Variants in CLIC4 observed in about 807,000 individuals in gnomAD.
The protein encoded by CLIC4 is CLIC family member 4, also known as chloride intracellular channel protein 4.
CLIC4 carries 13 observed loss-of-function variants against 24.6 expected under a neutral mutation model. The observed-to-expected ratio is 0.53, with a 90% CI of 0.34 to 0.84. The LOEUF (loss-of-function observed/expected upper bound fraction) is 0.84. Among genes scored for constraint, CLIC4 ranks in the 40% least tolerant of loss-of-function variants. The pLI, the probability that CLIC4 is intolerant of heterozygous loss-of-function variation, is 0.01. For missense variants in CLIC4, 227 were observed against 301.7 expected, an observed-to-expected ratio of 0.75 and a Z score of 1.83; for synonymous variants, 104 against 111.3, an observed-to-expected ratio of 0.93 and a Z score of 0.41.
Position 24,842,387 on chromosome 1 carries a change from C to T in CLIC4, c.*1450C>T, listed in dbSNP as rs1336305173. On this transcript the variant is annotated 3_prime_UTR_variant, in exon 6 of 6. Coordinates refer to ENST00000374379, the MANE Select transcript of CLIC4 (RefSeq NM_013943.3). Reference sequence around the variant, plus strand: ...AAAGACTGTGATTGTGACTATAATACATTTTTGGTAATTTTTTTATACCTA... The same window carrying T: ...AAAGACTGTGATTGTGACTATAATATATTTTTGGTAATTTTTTTATACCTA... 1 of 152,120 alleles carries T rather than the reference C, an allele frequency of 6.6e-6. No individual in the cohort carries two copies. Among genetic ancestry groups the T allele is most frequent in the East Asian group, 1.9e-4 (1 of 5,196 alleles). The allele number at this position is 152,120 out of a possible 1,614,324, so 9.4% of individuals were successfully genotyped here.
intron 1 of CLIC4, among the ~76,000 whole-genome samples, chr1:24,759,466 C>T (rs538251923): frequency 6.6e-6 from 1 of 150,756 alleles, no homozygotes; most frequent in Admixed American, 6.6e-5. Context: ...CTATACAATA[C>T]GTGACTTTTT....
intron 1 of CLIC4, among the ~76,000 whole-genome samples, chr1:24,794,103 G>A (rs375537016): frequency 6.6e-6 from 1 of 152,134 alleles, no homozygotes; most frequent in South Asian, 2.1e-4. Context: ...TTTAAACTTG[G>A]GGCTGATTCC....
chr1:24,806,583 A>G (rs1338292217), intron 2 of CLIC4, among the ~76,000 whole-genome samples: 1 of 152,218 alleles, frequency 6.6e-6, no homozygotes, highest in Non-Finnish European at 1.5e-5. Context: ...TTAATGGAAA[A>G]TTGGTAATCA....
intron 3 of CLIC4, among the ~76,000 whole-genome samples, chr1:24,822,247 G>GT (rs1200546804): frequency 3.3e-5 from 5 of 149,624 alleles, no homozygotes; most frequent in Non-Finnish European, 7.4e-5. Flanking sequence ...GCTAGCTCAA[G>GT]TTTAGAGGAA....
chr1:24,798,132 AC>A (rs2124132302), intron 2 of CLIC4, among the ~76,000 whole-genome samples: 1 of 152,272 alleles, frequency 6.6e-6, no homozygotes, highest in African/African-American at 2.4e-5. Flanking sequence ...GAAATCCTTG[AC>A]TTCTTTTTTC....
intron 3 of CLIC4, among the ~76,000 whole-genome samples, chr1:24,820,065 A>C (rs1214116364): frequency 4.3e-5 from 1 of 23,388 alleles, no homozygotes; most frequent in South Asian, 1.9e-3. Context: ...AAAAAAAAGT[A>C]TGTATATATA....
At chr1:24,805,667 C>G (rs554552073) in intron 2 of CLIC4, among the ~76,000 whole-genome samples, 45 of 152,216 alleles carry the variant, frequency 3.0e-4, no homozygotes, top group Admixed American at 1.6e-3. Flanking sequence ...TTGGGCAAGT[C>G]AACTTGTTAC....
intron 2 of CLIC4, among the ~76,000 whole-genome samples, chr1:24,798,427 T>C (rs1356619856): frequency 6.6e-6 from 1 of 151,796 alleles, no homozygotes; most frequent in African/African-American, 2.4e-5. Context: ...AAGTGAAGAG[T>C]TGTTTGTAGG....
chr1:24,803,546 C>CA (rs1161935785), intron 2 of CLIC4, among the ~76,000 whole-genome samples: 1 of 152,194 alleles, frequency 6.6e-6, no homozygotes, highest in Non-Finnish European at 1.5e-5. Flanking sequence ...CCTGCCAGAG[C>CA]AGCCTTCGTG....
chr1:24,781,852 A>G (rs1218063081), intron 1 of CLIC4, among the ~76,000 whole-genome samples: 1 of 151,752 alleles, frequency 6.6e-6, no homozygotes, highest in Non-Finnish European at 1.5e-5. Context: ...GGGTTTCACT[A>G]TGTTGACCAG....
intron 1 of CLIC4, among the ~76,000 whole-genome samples, chr1:24,780,942 C>T (rs182669784): frequency 2.2e-4 from 34 of 151,938 alleles, no homozygotes; most frequent in African/African-American, 7.0e-4. Flanking sequence ...ACAAAACTAG[C>T]TGGGCACGGT....
At chr1:24,790,586 G>A (rs886990860) in intron 1 of CLIC4, among the ~76,000 whole-genome samples, 3 of 152,164 alleles carry the variant, frequency 2.0e-5, no homozygotes, top group African/African-American at 4.8e-5. Context: ...CTGCTGGGGT[G>A]GGGGAATGGG....
At chr1:24,756,642 A>G (rs538182553) in intron 1 of CLIC4, among the ~76,000 whole-genome samples, 122 of 152,238 alleles carry the variant, frequency 8.0e-4, no homozygotes, top group Non-Finnish European at 1.4e-3. Context: ...TTATTTGTGT[A>G]TGTGGGAGAA....
chr1:24,762,389 A>C lies in CLIC4; in HGVS notation c.72+16764A>C, dbSNP rs562487355. On this transcript the variant is annotated intron_variant, in intron 1 of 5. Coordinates refer to ENST00000374379, the MANE Select transcript of CLIC4 (RefSeq NM_013943.3). ...CGGTGAGATATGATCATGCCACTGC[A>C]CTGCCTGATGACGGAGTGAGACTCT... Among the ~76,000 whole-genome samples, 5 of 152,358 alleles carry C rather than the reference A, an allele frequency of 3.3e-5. No individual in the cohort carries two copies. The South Asian group carries it at 1.0e-3, about 32-fold the overall frequency.
At chr1:24,796,201 A>AT (rs1557804745) in intron 1 of CLIC4, among the ~76,000 whole-genome samples, 1 of 152,078 alleles carries the variant, frequency 6.6e-6, no homozygotes, top group South Asian at 2.1e-4. Flanking sequence ...TTTTATTTTT[A>AT]TTTTTTGAGA....
At chr1:24,804,834 C>T (rs1226619191) in intron 2 of CLIC4, among the ~76,000 whole-genome samples, 2 of 151,982 alleles carry the variant, frequency 1.3e-5, no homozygotes, top group Non-Finnish European at 2.9e-5. Context: ...GGCAAAGTGG[C>T]TCACTCTTGT....
At chr1:24,781,798 C>T (rs1402843995) in intron 1 of CLIC4, among the ~76,000 whole-genome samples, 1 of 151,552 alleles carries the variant, frequency 6.6e-6, no homozygotes, top group African/African-American at 2.4e-5. Context: ...TTACAGGTGC[C>T]CGCCACCACG....
intron 1 of CLIC4, among the ~76,000 whole-genome samples, chr1:24,789,301 T>C (rs1639306615): frequency 1.3e-5 from 2 of 152,202 alleles, no homozygotes; most frequent in South Asian, 2.1e-4. Flanking sequence ...GCGAATCACT[T>C]GAGGTCAGGA....
At chr1:24,787,299 C>G (rs1639279572) in intron 1 of CLIC4, among the ~76,000 whole-genome samples, 1 of 151,928 alleles carries the variant, frequency 6.6e-6, no homozygotes, top group African/African-American at 2.4e-5. Flanking sequence ...TTGAGACCAA[C>G]CTGGCCAACA....
Sources: gnomAD v4.1 joint callset for allele counts (sites outside exome capture counted in the v4.1 genomes callset) on GRCh38, gnomAD v4.1.1 for gene constraint, MANE v1.5 for transcripts, NCBI Gene and HGNC (gene_info 2026-07-23, HGNC 2026-07-21) for gene names.